FMN1: variants seen among roughly 807,000 people sequenced by gnomAD.
FMN1 encodes formin-1.
In FMN1, 110 loss-of-function variants were observed where a neutral mutation model predicts 132.4. The ratio of observed to expected loss-of-function variants is 0.83; its 90% CI spans 0.71 to 0.97. The LOEUF (loss-of-function observed/expected upper bound fraction) is 0.97. FMN1 is among the 50% of genes least tolerant of loss of function. The pLI, the probability that FMN1 is intolerant of heterozygous loss-of-function variation, is 0.00. For synonymous variants in FMN1, 722 were observed against 651.7 expected (o/e 1.11, Z -1.64); for missense variants, 1,792 against 1,705.3 (o/e 1.05, Z -0.90).
chr15:32,943,201 C>A (rs577927587), intron 9 of FMN1, among the ~76,000 whole-genome samples: 51 of 152,162 alleles, frequency 3.4e-4, no homozygotes, highest in Non-Finnish European at 5.6e-4. Context: ...TACCAAATAT[C>A]CACATAGGGT....
At chr15:32,835,228 T>C (rs890338686) in intron 17 of FMN1, among the ~76,000 whole-genome samples, 2 of 152,170 alleles carry the variant, frequency 1.3e-5, no homozygotes, top group Non-Finnish European at 2.9e-5. Flanking sequence ...CAGATACTCA[T>C]GAACAAGGGA....
intron 10 of FMN1, among the ~76,000 whole-genome samples, 155 bp downstream of exon 10, chr15:32,926,019 G>A (rs2060950711): frequency 6.6e-6 from 1 of 152,142 alleles, no homozygotes; most frequent in Admixed American, 6.6e-5. Context: ...GGCATTTTCA[G>A]ATAAAACAAG....
intron 19 of FMN1, among the ~76,000 whole-genome samples, chr15:32,792,355 G>C (rs561186380): frequency 6.6e-6 from 1 of 151,840 alleles, no homozygotes; most frequent in Non-Finnish European, 1.5e-5. Context: ...TGAGGCAGGA[G>C]AATGGCATGA....
At chr15:33,093,113 T>C (rs1194406791) in intron 4 of FMN1, among the ~76,000 whole-genome samples, 1 of 152,242 alleles carries the variant, frequency 6.6e-6, no homozygotes, top group Non-Finnish European at 1.5e-5. Context: ...CAGTGCCTTT[T>C]AAGCTGTTTC....
chr15:33,182,598 T>C (rs1050305809), intron 2 of FMN1, among the ~76,000 whole-genome samples: 1 of 152,194 alleles, frequency 6.6e-6, no homozygotes, highest in Non-Finnish European at 1.5e-5. Context: ...ACCCTCGAAG[T>C]ATACAAGTGA....
chr15:32,890,439 CTGATTTTT>C (rs1398393841), intron 15 of FMN1, among the ~76,000 whole-genome samples: 6 of 152,106 alleles, frequency 3.9e-5, no homozygotes, highest in African/African-American at 1.4e-4. Flanking sequence ...CATCTGTTTT[CTGATTTTT>C]TGATTATGGC....
At chr15:33,138,317 G>A (rs1185660798) in intron 4 of FMN1, among the ~76,000 whole-genome samples, 1 of 152,094 alleles carries the variant, frequency 6.6e-6, no homozygotes, top group Admixed American at 6.5e-5. Context: ...CCGACTCTTG[G>A]CTCCTGGGCT....
chr15:32,866,342 G>A (rs1175043609), intron 16 of FMN1, among the ~76,000 whole-genome samples: 1 of 151,676 alleles, frequency 6.6e-6, no homozygotes. Flanking sequence ...TTTAATATCT[G>A]ACTCTTAGTT....
At chr15:33,057,442 G>A (rs1029916142) in intron 6 of FMN1, among the ~76,000 whole-genome samples, 9 of 152,204 alleles carry the variant, frequency 5.9e-5, no homozygotes, top group Non-Finnish European at 1.2e-4. Flanking sequence ...TGGTGCTGCA[G>A]TTGAACTTCA....
intron 3 of FMN1, among the ~76,000 whole-genome samples, chr15:33,166,970 C>T (rs1965133883): frequency 6.6e-6 from 1 of 152,088 alleles, no homozygotes; most frequent in East Asian, 1.9e-4. Context: ...TCTTAGTAGA[C>T]TAATCAAGGG....
At chr15:33,162,900 T>C (rs986262659) in intron 3 of FMN1, among the ~76,000 whole-genome samples, 1 of 152,108 alleles carries the variant, frequency 6.6e-6, no homozygotes, top group Non-Finnish European at 1.5e-5. Context: ...GCAGATCACC[T>C]GAGGTCAGGA....
intron 19 of FMN1, among the ~76,000 whole-genome samples, chr15:32,793,837 A>ATG (rs576044579): frequency 5.3e-5 from 8 of 152,228 alleles, no homozygotes; most frequent in Non-Finnish European, 7.3e-5. Context: ...TGAAATTATC[A>ATG]TGTATGTATG....
intron 9 of FMN1, among the ~76,000 whole-genome samples, chr15:32,948,105 T>C (rs1209580990): frequency 1.3e-5 from 2 of 151,972 alleles, no homozygotes; most frequent in African/African-American, 4.8e-5. Flanking sequence ...GCTAAAGCTA[T>C]TCCCTTACAA....
chr15:32,941,669 G>C (rs1178440415), intron 9 of FMN1, among the ~76,000 whole-genome samples: 1 of 151,984 alleles, frequency 6.6e-6, no homozygotes, highest in Non-Finnish European at 1.5e-5. Flanking sequence ...CTAGTATTAA[G>C]AGACTTTTGG....
At position 33,043,990 on chromosome 15, in the gene FMN1, C is replaced by T. The variant is rs1180887341; in HGVS notation, c.2161+20967G>A. 6.6e-5 allele frequency among the ~76,000 whole-genome samples: 10 copies of T among 152,250 alleles called. No homozygotes were observed. In the East Asian group the frequency reaches 1.9e-3, roughly 29 times the overall value. On this transcript the variant is annotated intron_variant, in intron 6 of 20. Transcript: ENST00000616417. ...CCCTTTCCCTACAGGCTCAAAGGTG[C>T]CTGCTCCCACTGCCCAGCCTCTCCC...
At chr15:33,114,474 G>A (rs533277053) in intron 4 of FMN1, among the ~76,000 whole-genome samples, 3 of 152,310 alleles carry the variant, frequency 2.0e-5, no homozygotes, top group African/African-American at 4.8e-5. Flanking sequence ...AGTGGATTCC[G>A]GAAGCCTGTC....
intron 9 of FMN1, among the ~76,000 whole-genome samples, chr15:32,947,645 G>A (rs1015223974): frequency 1.3e-5 from 2 of 151,994 alleles, no homozygotes; most frequent in African/African-American, 4.8e-5. Context: ...TTCATGAAGA[G>A]AATTATGTCT....
intron 4 of FMN1, among the ~76,000 whole-genome samples, chr15:33,123,756 C>T (rs111411829): frequency 2.0e-5 from 3 of 152,260 alleles, no homozygotes; most frequent in African/African-American, 7.2e-5. Flanking sequence ...CCTTTTGGCT[C>T]CACTACGTAA....
chr15:33,097,153 C>G (rs2039116492), intron 4 of FMN1, among the ~76,000 whole-genome samples: 1 of 151,942 alleles, frequency 6.6e-6, no homozygotes, highest in Non-Finnish European at 1.5e-5. Flanking sequence ...AAAAATCAGC[C>G]AAGCCTGGTG....
Sources: allele counts gnomAD v4.1 joint callset (sites outside exome capture counted in the v4.1 genomes callset), GRCh38; gene constraint gnomAD v4.1.1; transcripts MANE v1.5; gene names NCBI Gene and HGNC (gene_info 2026-07-23, HGNC 2026-07-21).